Variants in HSF2 observed in about 807,000 individuals in gnomAD.
HSF2 encodes heat shock transcription factor 2, also known as heat shock factor protein 2.
In HSF2, 21 loss-of-function variants were observed where a neutral mutation model predicts 65.0. The ratio of observed to expected loss-of-function variants is 0.32; its 90% CI spans 0.23 to 0.47. HSF2 has a LOEUF of 0.47. Ranked by LOEUF, HSF2 falls within the 20% of genes least tolerant of loss-of-function variation. HSF2 has a pLI of 1.00. For synonymous variants in HSF2, 225 were observed against 219.1 expected, an observed-to-expected ratio of 1.03 and a Z score of -0.24; for missense variants, 499 against 628.1, an observed-to-expected ratio of 0.79 and a Z score of 2.20.
chr6:122,415,181 C>T (rs918177022), intron 4 of HSF2, among the ~76,000 whole-genome samples: 15 of 152,078 alleles, frequency 9.9e-5, no homozygotes, highest in East Asian at 1.9e-4. Flanking sequence ...AAAAGGTGAA[C>T]GAAGAAGAAG....
chr6:122,423,700 GTAA>G lies in HSF2; in HGVS notation c.1176+16_1176+18del. The stretch of plus-strand genomic sequence containing the variant: ...CTCCTGGTTGATGTAGGTACTTTGG[GTAA>G]TCTTTGCTATACTGGTAGTTTGTGT... On this transcript the variant is annotated intron_variant, in intron 10 of 12. Coordinates refer to ENST00000368455, the MANE Select transcript of HSF2 (RefSeq NM_004506.4). The G allele has an allele frequency of 6.8e-7, 1 of 1,471,364 alleles. No homozygotes were observed. Among genetic ancestry groups the G allele is most frequent in the South Asian group, 1.2e-5 (1 of 85,728 alleles). 91.1% of individuals were successfully genotyped at this position (1,471,364 alleles called of 1,614,324 possible).
intron 12 of HSF2, 92 bp downstream of exon 12, chr6:122,431,606 T>C: frequency 1.1e-5 from 7 of 664,302 alleles, no homozygotes; most frequent in Admixed American, 2.6e-5. Flanking sequence ...TTGAATATGC[T>C]GGCTTTAGTT....
At chr6:122,423,354 A>G (rs1774276709) in intron 9 of HSF2, among the ~76,000 whole-genome samples, 1 of 152,142 alleles carries the variant, frequency 6.6e-6, no homozygotes, top group South Asian at 2.1e-4. Flanking sequence ...ACTGTTCTGC[A>G]GGGTGTGTTT....
At chr6:122,413,757 T>C (rs1774056010) in intron 4 of HSF2, 108 bp downstream of exon 4, 1 of 932,044 alleles carries the variant, frequency 1.1e-6, no homozygotes, top group Non-Finnish European at 1.7e-6. Flanking sequence ...TCAGATCACT[T>C]TGTTGAAGCC....
chr6:122,402,199 A>G (rs905733741), intron 1 of HSF2, among the ~76,000 whole-genome samples: 21 of 152,200 alleles, frequency 1.4e-4, no homozygotes, highest in Admixed American at 7.2e-4. Context: ...TCTTCCACCA[A>G]TAGAACTAGA....
chr6:122,407,838 G>A (rs9375132), intron 1 of HSF2, among the ~76,000 whole-genome samples: 21,513 of 152,070 alleles, frequency 0.14, 1,620 homozygotes, highest in East Asian at 0.25. Context: ...AACAACAGGC[G>A]TTTATTTTTT....
chr6:122,426,186 A>G (rs1774335701), intron 10 of HSF2, among the ~76,000 whole-genome samples: 1 of 152,048 alleles, frequency 6.6e-6, no homozygotes, highest in Admixed American at 6.6e-5. Flanking sequence ...AAGTCCACCT[A>G]TGCTGCTTTG....
chr6:122,405,703 T>C (rs1773854667), intron 1 of HSF2, among the ~76,000 whole-genome samples: 1 of 152,298 alleles, frequency 6.6e-6, no homozygotes, highest in South Asian at 2.1e-4. Context: ...GCCAGCTGTT[T>C]TATAAAAAAA....
At chr6:122,420,028 C>A in intron 6 of HSF2, 107 bp from the exon 7 acceptor site, 1 of 1,006,392 alleles carries the variant, frequency 9.9e-7, no homozygotes, top group Non-Finnish European at 1.3e-6. Flanking sequence ...ATTTTTTATT[C>A]ATTATTAAGT....
In HSF2 at chr6:122,413,177, A is replaced by G. The variant is rs377130291; in HGVS notation, c.331-348A>G. 1.2e-4 allele frequency among the ~76,000 whole-genome samples: 18 copies of G among 152,210 alleles called. No homozygotes were observed. The South Asian group carries it at 1.9e-3, about 16-fold the overall frequency. The stretch of plus-strand genomic sequence containing the variant: ...GGACCATGAAAGAAAATGGCCTAGC[A>G]TGAACCTTTTACTGCATAAATTTAA... On this transcript the variant is annotated intron_variant, in intron 3 of 12. Coordinates refer to ENST00000368455, the MANE Select transcript of HSF2 (RefSeq NM_004506.4).
intron 1 of HSF2, among the ~76,000 whole-genome samples, chr6:122,410,462 G>T (rs1773964168): frequency 6.6e-6 from 1 of 151,434 alleles, no homozygotes; most frequent in African/African-American, 2.4e-5. Context: ...CATTTTAAGT[G>T]CATTAAGTTA....
chr6:122,425,217 C>T (rs191577618), intron 10 of HSF2, among the ~76,000 whole-genome samples: 9 of 152,144 alleles, frequency 5.9e-5, no homozygotes, highest in South Asian at 2.1e-4. Context: ...ACTTTAGAAA[C>T]GAGTGGCTGT....
At chr6:122,415,793 C>T (rs527443393) in intron 4 of HSF2, among the ~76,000 whole-genome samples, 6 of 152,018 alleles carry the variant, frequency 3.9e-5, no homozygotes, top group Non-Finnish European at 8.8e-5. Flanking sequence ...GTGGGTGGAT[C>T]ACCTGAGGTC....
intron 1 of HSF2, among the ~76,000 whole-genome samples, chr6:122,409,999 T>G (rs1489959630): frequency 6.6e-6 from 1 of 152,016 alleles, no homozygotes; most frequent in Non-Finnish European, 1.5e-5. Context: ...ATCTGTCCTC[T>G]CTAGTCAGTC....
chr6:122,422,044 C>A (rs754548185), intron 7 of HSF2, 106 bp from the exon 8 acceptor site: 13 of 739,156 alleles, frequency 1.8e-5, no homozygotes, highest in Non-Finnish European at 2.9e-5. Context: ...TTTTGCATAC[C>A]CCGAGATTCA....
intron 5 of HSF2, among the ~76,000 whole-genome samples, chr6:122,418,191 T>C (rs1167750138): frequency 6.6e-6 from 1 of 152,200 alleles, no homozygotes; most frequent in Non-Finnish European, 1.5e-5. Context: ...AGCTTCTCAG[T>C]GATATACTAC....
intron 5 of HSF2, among the ~76,000 whole-genome samples, chr6:122,416,961 G>A (rs1054556347): frequency 2.6e-5 from 4 of 152,152 alleles, no homozygotes; most frequent in African/African-American, 9.7e-5. Context: ...TTTTGCTCAT[G>A]AGTAAACTAG....
Position 122,399,656 on chromosome 6 carries a change from T to C in HSF2, c.-82T>C, listed in dbSNP as rs1038219571. ...TGCTGCGCCTGCGTTGTGGGCGTTC[T>C]CGGGGAGCTGCTGCCGTAGCTGCCG... On this transcript the variant is annotated 5_prime_UTR_variant, in exon 1 of 13. Transcript: ENST00000368455. The C allele has an allele frequency of 1.9e-5, 23 of 1,191,224 alleles. No individual in the cohort carries two copies. Among genetic ancestry groups the C allele is most frequent in the Non-Finnish European group, 2.7e-5 (22 of 816,270 alleles). 73.8% of individuals were successfully genotyped at this position (1,191,224 alleles called of 1,614,324 possible).
At chr6:122,400,134 G>T (rs2114412320) in intron 1 of HSF2, among the ~76,000 whole-genome samples, 1 of 152,304 alleles carries the variant, frequency 6.6e-6, no homozygotes, top group Middle Eastern at 3.4e-3. Flanking sequence ...GGCGTCGCGA[G>T]GGGAATCGGC....
Sources: allele counts gnomAD v4.1 joint callset (sites outside exome capture counted in the v4.1 genomes callset), GRCh38; gene constraint gnomAD v4.1.1; transcripts MANE v1.5; gene names NCBI Gene and HGNC (gene_info 2026-07-23, HGNC 2026-07-21).